The following THNSL1 variants were observed in gnomAD, a reference collection of about 807,000 sequenced individuals.
THNSL1 encodes threonine synthase-like 1.
In THNSL1, 48 loss-of-function variants were observed where a neutral mutation model predicts 50.4. That is an observed-to-expected ratio of 0.95 (90% CI 0.76 to 1.21). The LOEUF is 1.21. Among genes scored for constraint, THNSL1 ranks in the 50% most tolerant of loss-of-function variants. THNSL1 has a pLI of 0.00. For missense variants in THNSL1, 896 were observed against 871.7 expected (o/e 1.03, Z -0.35); for synonymous variants, 309 against 306.1 (o/e 1.01, Z -0.10).
At chr10:24,972,524 AT>A in the THNSL1 span, among the ~76,000 whole-genome samples, 1 of 150,958 alleles carries the variant, frequency 6.6e-6, no homozygotes, top group African/African-American at 2.5e-5. Context: ...AAAAAAATAA[AT>A]AATAATAATA....
At chr10:25,010,227 A>G in the THNSL1 span, among the ~76,000 whole-genome samples, 1 of 152,186 alleles carries the variant, frequency 6.6e-6, no homozygotes, top group Non-Finnish European at 1.5e-5. Flanking sequence ...GAGAACTGGA[A>G]TAAAGGTGAC....
At chr10:24,982,572 C>T in the THNSL1 span, 2 of 152,186 alleles carry the variant, frequency 1.3e-5, no homozygotes, top group African/African-American at 2.4e-5. Flanking sequence ...AATTCATGCT[C>T]TCAAGAGAGA....
chr10:24,989,474 G>T, the THNSL1 span, among the ~76,000 whole-genome samples: 1 of 152,188 alleles, frequency 6.6e-6, no homozygotes, highest in South Asian at 2.1e-4. Context: ...GGTGACTAGT[G>T]CCTTGGAACC....
chr10:25,018,706 A>G (rs1319804217), intron 1 of THNSL1, among the ~76,000 whole-genome samples: 1 of 149,578 alleles, frequency 6.7e-6, no homozygotes, highest in East Asian at 1.9e-4. Flanking sequence ...ATCTATTTAA[A>G]TGAATAAAAT....
the THNSL1 span, among the ~76,000 whole-genome samples, chr10:24,970,763 C>T: frequency 6.6e-6 from 1 of 151,408 alleles, no homozygotes; most frequent in Non-Finnish European, 1.5e-5. Flanking sequence ...ATGGCTCACG[C>T]CCGTAATCCC....
At chr10:25,015,079 C>T (rs1399987989), upstream of THNSL1, among the ~76,000 whole-genome samples, 2 of 152,188 alleles carry the variant, frequency 1.3e-5, no homozygotes. Context: ...GGAAACATTT[C>T]AAGTCCTAGG....
the THNSL1 span, among the ~76,000 whole-genome samples, chr10:25,002,894 G>A: frequency 0.33 from 50,554 of 151,176 alleles, 8,701 homozygotes; most frequent in East Asian, 0.5. Context: ...ATATGGTCTC[G>A]TGATTAATAA....
chr10:24,998,358 CCTCTCT>C, the THNSL1 span, among the ~76,000 whole-genome samples: 15 of 117,410 alleles, frequency 1.3e-4, no homozygotes, highest in East Asian at 1.6e-3. Flanking sequence ...TTCCTTCCTT[CCTCTCT>C]CTCTCTCTCT....
In THNSL1 at chr10:25,023,171, A is replaced by T; in HGVS notation, c.-48-5A>T. Reference sequence around the variant, plus strand: ...TGTTTTTTGTTTGTTTTGTGTTTTGAAAAGGGCTAAAGCCAATTTTTAGGT... The same window carrying T: ...TGTTTTTTGTTTGTTTTGTGTTTTGTAAAGGGCTAAAGCCAATTTTTAGGT... On this transcript the variant is annotated splice_polypyrimidine_tract_variant and splice_region_variant and intron_variant, in intron 2 of 2. Coordinates refer to ENST00000376356, the MANE Select transcript of THNSL1 (RefSeq NM_024838.5). 6.5e-7 allele frequency: 1 copy of T among 1,527,734 alleles called. No homozygotes were observed. The highest frequency in any genetic ancestry group is 8.8e-7 in the Non-Finnish European group (1 of 1,141,512). The allele number at this position is 1,527,734 out of a possible 1,614,324, so 94.6% of individuals were successfully genotyped here.
upstream of THNSL1, among the ~76,000 whole-genome samples, chr10:25,013,091 GCCA>G (rs1271169165): frequency 6.6e-6 from 1 of 152,128 alleles, no homozygotes; most frequent in Non-Finnish European, 1.5e-5. Context: ...TCTCTTTCCT[GCCA>G]CCATGTAAGA....
the THNSL1 span, among the ~76,000 whole-genome samples, chr10:25,003,989 A>C: frequency 6.6e-6 from 1 of 152,230 alleles, no homozygotes; most frequent in Non-Finnish European, 1.5e-5. Flanking sequence ...GTATTACTGC[A>C]GCACTATTGT....
the THNSL1 span, among the ~76,000 whole-genome samples, chr10:24,996,436 A>ATG: frequency 0.41 from 60,382 of 148,424 alleles, 12,070 homozygotes; most frequent in East Asian, 0.51. Flanking sequence ...AAGATCATAT[A>ATG]TGTGTGTGTG....
chr10:24,999,355 C>A, the THNSL1 span: 1 of 1,537,698 alleles, frequency 6.5e-7, no homozygotes, highest in Non-Finnish European at 8.8e-7. Flanking sequence ...AGTTAAATCA[C>A]CTGCTAATGC....
the THNSL1 span, chr10:24,984,671 T>C: frequency 6.8e-6 from 10 of 1,461,616 alleles, no homozygotes; most frequent in Non-Finnish European, 8.3e-6. Context: ...ACTTGGAGTT[T>C]TTTATATTTT....
the THNSL1 span, among the ~76,000 whole-genome samples, chr10:24,964,172 CCA>C: frequency 6.6e-6 from 1 of 152,226 alleles, no homozygotes; most frequent in Non-Finnish European, 1.5e-5. Flanking sequence ...TGCCAAATGT[CCA>C]TGGTGGCTGG....
the THNSL1 span, among the ~76,000 whole-genome samples, chr10:24,967,995 A>AT: frequency 7.2e-6 from 1 of 139,678 alleles, no homozygotes; most frequent in African/African-American, 2.6e-5. Flanking sequence ...TATGTGTATG[A>AT]TGTGTGTGTG....
the THNSL1 span, among the ~76,000 whole-genome samples, chr10:25,003,876 T>C: frequency 6.6e-6 from 1 of 152,330 alleles, no homozygotes; most frequent in Middle Eastern, 3.4e-3. Flanking sequence ...CCTCCATGTG[T>C]TCATGTGTTA....
At chr10:25,019,251 A>G (rs1311289344) in intron 1 of THNSL1, among the ~76,000 whole-genome samples, 2 of 152,202 alleles carry the variant, frequency 1.3e-5, no homozygotes, top group African/African-American at 4.8e-5. Flanking sequence ...AGGCAGGAAG[A>G]CTGCTTGAGC....
the THNSL1 span, among the ~76,000 whole-genome samples, chr10:25,001,592 C>A: frequency 1.3e-5 from 2 of 151,940 alleles, no homozygotes; most frequent in South Asian, 2.1e-4. Context: ...TTGCATTGTT[C>A]TATTACTGTG....
Sources: allele counts gnomAD v4.1 joint callset (sites outside exome capture counted in the v4.1 genomes callset), GRCh38; gene constraint gnomAD v4.1.1; transcripts MANE v1.5; gene names NCBI Gene and HGNC (gene_info 2026-07-23, HGNC 2026-07-21).